The following RBFOX1 variants were observed in gnomAD, a reference collection of about 807,000 sequenced individuals.
The protein encoded by RBFOX1 is RNA binding protein fox-1 homolog 1.
In RBFOX1, 8 loss-of-function variants were observed where a neutral mutation model predicts 57.7. The observed-to-expected ratio is 0.14, with a 90% CI of 0.08 to 0.25. The LOEUF (loss-of-function observed/expected upper bound fraction) is 0.25. Among genes scored for constraint, RBFOX1 ranks in the 10% least tolerant of loss-of-function variants. RBFOX1 has a pLI of 1.00. For missense variants in RBFOX1, 611 were observed against 548.5 expected (o/e 1.11, Z -1.14); for synonymous variants, 326 against 222.4 (o/e 1.47, Z -4.15).
intron 3 of RBFOX1, among the ~76,000 whole-genome samples, chr16:6,683,773 C>G (rs893975354): frequency 6.6e-6 from 1 of 152,172 alleles, no homozygotes; most frequent in Non-Finnish European, 1.5e-5. Flanking sequence ...GCTTTGCGGT[C>G]AGACATACCT....
chr16:7,001,108 G>T (rs764312460), intron 3 of RBFOX1, among the ~76,000 whole-genome samples: 1 of 152,058 alleles, frequency 6.6e-6, no homozygotes, highest in African/African-American at 2.4e-5. Flanking sequence ...GAAAAATAGG[G>T]GCATCTGTAT....
chr16:6,447,316 C>T (rs2094504123), intron 2 of RBFOX1, among the ~76,000 whole-genome samples: 1 of 152,112 alleles, frequency 6.6e-6, no homozygotes, highest in Admixed American at 6.5e-5. Flanking sequence ...TTGTTAGCTA[C>T]CGGATAATTT....
intron 3 of RBFOX1, among the ~76,000 whole-genome samples, chr16:6,869,642 G>T (rs181709894): frequency 6.6e-6 from 1 of 152,148 alleles, no homozygotes; most frequent in Non-Finnish European, 1.5e-5. Flanking sequence ...CAACTCTGAC[G>T]TGTTAGAACT....
chr16:6,566,081 C>G (rs549449955), intron 2 of RBFOX1, among the ~76,000 whole-genome samples: 1 of 152,220 alleles, frequency 6.6e-6, no homozygotes, highest in Non-Finnish European at 1.5e-5. Context: ...ACTGTTCCTT[C>G]AAGGTGTTAT....
At chr16:6,138,390 G>C (rs796367985) in intron 1 of RBFOX1, among the ~76,000 whole-genome samples, 28 of 152,296 alleles carry the variant, frequency 1.8e-4, no homozygotes, top group African/African-American at 6.5e-4. Context: ...TGAAGTCAAC[G>C]TGTCAGCCTG....
intron 2 of RBFOX1, among the ~76,000 whole-genome samples, chr16:6,519,811 G>C (rs991251157): frequency 6.6e-6 from 1 of 152,160 alleles, no homozygotes; most frequent in Non-Finnish European, 1.5e-5. Context: ...TAGTGTCTAA[G>C]GTCTTCATTA....
intron 4 of RBFOX1, among the ~76,000 whole-genome samples, chr16:7,489,606 C>G (rs543686723): frequency 6.6e-6 from 1 of 152,154 alleles, no homozygotes; most frequent in South Asian, 2.1e-4. Flanking sequence ...GCCTCGAACT[C>G]CCGGACTCAA....
chr16:7,196,692 C>G (rs998169122), intron 4 of RBFOX1, among the ~76,000 whole-genome samples: 1 of 152,162 alleles, frequency 6.6e-6, no homozygotes, highest in South Asian at 2.1e-4. Flanking sequence ...AATGCAAAGG[C>G]ATCTGTGTAC....
intron 3 of RBFOX1, among the ~76,000 whole-genome samples, chr16:6,904,801 A>G (rs1349776076): frequency 6.6e-6 from 1 of 152,020 alleles, no homozygotes; most frequent in Non-Finnish European, 1.5e-5. Context: ...ACAAAGCTGG[A>G]GGAGAATGAA....
At chr16:5,825,787 G>T in intron 3 of RBFOX1, among the ~76,000 whole-genome samples, 1 of 141,978 alleles carries the variant, frequency 7.0e-6, no homozygotes, top group Non-Finnish European at 1.5e-5. Flanking sequence ...ATATGAATAA[G>T]GAATAATATT....
At chr16:5,280,848 C>A (rs898390297) in intron 1 of RBFOX1, among the ~76,000 whole-genome samples, 1 of 150,986 alleles carries the variant, frequency 6.6e-6, no homozygotes, top group Non-Finnish European at 1.5e-5. Context: ...GTTAGCCTCA[C>A]TAGTGGTTTA....
At chr16:7,565,181 C>G (rs1342300900) in intron 5 of RBFOX1, among the ~76,000 whole-genome samples, 3 of 152,060 alleles carry the variant, frequency 2.0e-5, no homozygotes, top group African/African-American at 7.2e-5. Flanking sequence ...TGGAAAATAA[C>G]TTTTCACAAT....
intron 1 of RBFOX1, among the ~76,000 whole-genome samples, chr16:6,238,635 T>A (rs2097523888): frequency 6.6e-6 from 1 of 152,184 alleles, no homozygotes; most frequent in Non-Finnish European, 1.5e-5. Flanking sequence ...TATCAAAATT[T>A]GGCCGCACTC....
intron 1 of RBFOX1, among the ~76,000 whole-genome samples, chr16:6,149,234 CG>C (rs1567564093): frequency 1.3e-5 from 2 of 152,168 alleles, no homozygotes; most frequent in African/African-American, 2.4e-5. Context: ...CGCGCGTGCG[CG>C]GATGTGTGTG....
At chr16:7,480,591 G>T (rs186616031) in intron 4 of RBFOX1, among the ~76,000 whole-genome samples, 82 of 152,232 alleles carry the variant, frequency 5.4e-4, no homozygotes, top group African/African-American at 1.9e-3. Flanking sequence ...TTTTTCAAGC[G>T]TGGACTCATT....
At chr16:6,811,021 C>G (rs1348733844) in intron 3 of RBFOX1, among the ~76,000 whole-genome samples, 3 of 152,166 alleles carry the variant, frequency 2.0e-5, no homozygotes, top group Non-Finnish European at 4.4e-5. Context: ...AGTTACAGAA[C>G]ACACACAGAA....
chr16:6,761,859 A>G (rs1355570209), intron 3 of RBFOX1, among the ~76,000 whole-genome samples: 1 of 151,930 alleles, frequency 6.6e-6, no homozygotes, highest in Non-Finnish European at 1.5e-5. Flanking sequence ...CAAAGCAACT[A>G]CATCTCTCAT....
intron 2 of RBFOX1, among the ~76,000 whole-genome samples, chr16:6,490,386 C>T (rs914195446): frequency 6.6e-6 from 1 of 152,132 alleles, no homozygotes; most frequent in Admixed American, 6.5e-5. Flanking sequence ...TTCAAAATTT[C>T]TTGTCAAGAA....
At chr16:5,738,888 T>C (rs2052675852) in intron 3 of RBFOX1, among the ~76,000 whole-genome samples, 1 of 152,168 alleles carries the variant, frequency 6.6e-6, no homozygotes. Flanking sequence ...TCAACATTGA[T>C]GCAAACAACC....
Sources: gnomAD v4.1 joint callset for allele counts (sites outside exome capture counted in the v4.1 genomes callset) on GRCh38, gnomAD v4.1.1 for gene constraint, MANE v1.5 for transcripts, NCBI Gene and HGNC (gene_info 2026-07-23, HGNC 2026-07-21) for gene names.